Variants in TMEM114 observed in about 807,000 individuals in gnomAD.
TMEM114 encodes transmembrane protein 114, also known as claudin-26.
Under a neutral mutation model 6.2 loss-of-function variants are expected in TMEM114, and 6 were observed. The observed-to-expected ratio is 0.97, with a 90% CI of 0.53 to 1.91. TMEM114 has a LOEUF of 1.91. Among genes scored for constraint, TMEM114 ranks in the 40% most tolerant of loss-of-function variants. The pLI is 0.01. For synonymous variants in TMEM114, 104 were observed against 73.0 expected (o/e 1.42, Z -2.16); for missense variants, 218 against 158.3 (o/e 1.38, Z -2.02).
intron 2 of TMEM114, among the ~76,000 whole-genome samples, chr16:8,562,678 G>A (rs1299125785): frequency 1.3e-5 from 2 of 149,356 alleles, no homozygotes; most frequent in African/African-American, 5.2e-5. Flanking sequence ...GTGAGGGAAT[G>A]AGTGAGTGAG....
chr16:8,545,668 A>C (rs1008756161), intron 2 of TMEM114, among the ~76,000 whole-genome samples: 2 of 152,162 alleles, frequency 1.3e-5, no homozygotes, highest in African/African-American at 4.8e-5. Flanking sequence ...CAAATTCCCA[A>C]ATGAGGCTGA....
intron 2 of TMEM114, among the ~76,000 whole-genome samples, chr16:8,543,951 T>G (rs1900588379): frequency 6.6e-6 from 1 of 152,204 alleles, no homozygotes; most frequent in Non-Finnish European, 1.5e-5. Context: ...CATAAACCAC[T>G]GTGATTCATT....
In TMEM114 at chr16:8,572,078, G is replaced by C. The variant is rs950471017; in HGVS notation, c.439+9C>G. The C allele has an allele frequency of 6.5e-7, 1 of 1,536,684 alleles. No homozygotes were observed. Among genetic ancestry groups the C allele is most frequent in the East Asian group, 2.4e-5 (1 of 40,868 alleles). On this transcript the variant is annotated intron_variant, in intron 3 of 3. Transcript: ENST00000620492. ...ACAAGCCAGAGCCCTAGGCAGGGTG[G>C]GCACCTACCTCCAAAGAGGAAGAGA...
chr16:8,553,755 A>G (rs1037616317), intron 2 of TMEM114, among the ~76,000 whole-genome samples: 4 of 152,120 alleles, frequency 2.6e-5, no homozygotes, highest in Non-Finnish European at 5.9e-5. Context: ...TGCTGGGATT[A>G]CAGGCGTGAG....
At chr16:8,535,839 A>G (rs145251188), downstream of TMEM114, among the ~76,000 whole-genome samples, 3 of 152,334 alleles carry the variant, frequency 2.0e-5, no homozygotes, top group East Asian at 5.8e-4. Flanking sequence ...GAGAATCACA[A>G]TACCCATGTT....
intron 2 of TMEM114, among the ~76,000 whole-genome samples, chr16:8,581,941 T>C (rs867401902): frequency 1.3e-5 from 2 of 152,168 alleles, no homozygotes; most frequent in Non-Finnish European, 1.5e-5. Context: ...TGAGAGTTCC[T>C]CCCTCCTGGG....
intron 3 of TMEM114, among the ~76,000 whole-genome samples, chr16:8,571,659 G>T (rs1038841775): frequency 1.6e-5 from 2 of 125,296 alleles, no homozygotes; most frequent in Non-Finnish European, 3.2e-5. Context: ...TACATAGAAA[G>T]ATCATGAGGT....
At chr16:8,549,297 C>T (rs1288041124) in intron 2 of TMEM114, among the ~76,000 whole-genome samples, 2 of 150,320 alleles carry the variant, frequency 1.3e-5, no homozygotes, top group African/African-American at 4.9e-5. Flanking sequence ...GTCAGGAGTT[C>T]GAGACCAGCC....
chr16:8,549,287 G>A (rs1397158945), intron 2 of TMEM114, among the ~76,000 whole-genome samples: 1 of 151,358 alleles, frequency 6.6e-6, no homozygotes, highest in Non-Finnish European at 1.5e-5. Flanking sequence ...ATCACCTGAG[G>A]TCAGGAGTTC....
chr16:8,552,512 A>G (rs1900878783), intron 2 of TMEM114, among the ~76,000 whole-genome samples: 1 of 152,022 alleles, frequency 6.6e-6, no homozygotes, highest in African/African-American at 2.4e-5. Flanking sequence ...AAAACTGCAC[A>G]CACACACACA....
At chr16:8,564,842 TG>T (rs1444020974), downstream of TMEM114, among the ~76,000 whole-genome samples, 1 of 34,310 alleles carries the variant, frequency 2.9e-5, no homozygotes, top group Non-Finnish European at 5.7e-5. Context: ...AGGGAATGAG[TG>T]AGTGAATGAG....
At chr16:8,578,976 C>T (rs1320300168) in intron 2 of TMEM114, among the ~76,000 whole-genome samples, 1 of 151,950 alleles carries the variant, frequency 6.6e-6, no homozygotes, top group Non-Finnish European at 1.5e-5. Context: ...GAGACTCCAT[C>T]TCAAAAAAAT....
chr16:8,583,207 G>A (rs1902212275), intron 2 of TMEM114, among the ~76,000 whole-genome samples: 1 of 152,196 alleles, frequency 6.6e-6, no homozygotes, highest in Non-Finnish European at 1.5e-5. Context: ...CAGGCAGCTG[G>A]CCCAGTACTG....
intron 2 of TMEM114, among the ~76,000 whole-genome samples, chr16:8,563,385 G>T (rs1195744298): frequency 6.7e-6 from 1 of 149,872 alleles, no homozygotes; most frequent in Non-Finnish European, 1.5e-5. Flanking sequence ...GAGTGAATGA[G>T]TGAGTGAATG....
chr16:8,567,837 C>G (rs549088202), downstream of TMEM114, among the ~76,000 whole-genome samples: 9 of 152,330 alleles, frequency 5.9e-5, no homozygotes, highest in African/African-American at 2.2e-4. Flanking sequence ...AGAGACCGCC[C>G]TTTCGGTAGC....
intron 2 of TMEM114, among the ~76,000 whole-genome samples, chr16:8,545,795 TA>T (rs780781927): frequency 6.6e-6 from 1 of 152,142 alleles, no homozygotes; most frequent in Non-Finnish European, 1.5e-5. Context: ...TTACCCTTCT[TA>T]AAATTCTCAA....
At chr16:8,533,274 G>A (rs185116934), downstream of TMEM114, among the ~76,000 whole-genome samples, 2 of 152,320 alleles carry the variant, frequency 1.3e-5, no homozygotes, top group African/African-American at 4.8e-5. Flanking sequence ...ACATTTGATA[G>A]AACATCTGAG....
chr16:8,544,798 A>T (rs1036622375), intron 2 of TMEM114, among the ~76,000 whole-genome samples: 1 of 152,206 alleles, frequency 6.6e-6, no homozygotes, highest in Non-Finnish European at 1.5e-5. Flanking sequence ...TGTTCAACCC[A>T]ATCAAATTTA....
intron 2 of TMEM114, among the ~76,000 whole-genome samples, chr16:8,579,179 A>C (rs1427933638): frequency 6.6e-6 from 1 of 152,200 alleles, no homozygotes; most frequent in Admixed American, 6.5e-5. Flanking sequence ...CATGCTGTTC[A>C]AAGAGCTGCT....
Sources: allele counts gnomAD v4.1 joint callset (sites outside exome capture counted in the v4.1 genomes callset), GRCh38; gene constraint gnomAD v4.1.1; transcripts MANE v1.5; gene names NCBI Gene and HGNC (gene_info 2026-07-23, HGNC 2026-07-21).